The following AGAP1 variants were observed in gnomAD, a reference collection of about 807,000 sequenced individuals.
AGAP1 encodes the protein arf-GAP with GTPase, ANK repeat and PH domain-containing protein 1.
A neutral mutation model predicts 105.3 loss-of-function variants in AGAP1; 29 were observed. The observed-to-expected ratio is 0.28, with a 90% confidence interval of 0.21 to 0.38. The LOEUF (loss-of-function observed/expected upper bound fraction) is 0.38. AGAP1 is among the 10% of genes least tolerant of loss of function. The pLI, the probability that AGAP1 is intolerant of heterozygous loss-of-function variation, is 1.00. For missense variants in AGAP1, 998 were observed against 1,165.1 expected (o/e 0.86, Z 2.09); for synonymous variants, 509 against 485.9 (o/e 1.05, Z -0.63).
chr2:235,670,599 G>A (rs1383643983), intron 1 of AGAP1: 1 of 564,468 alleles, frequency 1.8e-6, no homozygotes, highest in Non-Finnish European at 3.1e-6. Context: ...CCGCAAGGCC[G>A]GACACTGGGC....
At chr2:235,969,342 G>A (rs113810028) in intron 13 of AGAP1, among the ~76,000 whole-genome samples, 1 of 152,068 alleles carries the variant, frequency 6.6e-6, no homozygotes, top group East Asian at 1.9e-4. Context: ...CCCACATTAT[G>A]AGAGGTAAAA....
rs2050077826 is a variant in AGAP1, at chr2:235,882,489, G to T, written c.1051-856G>T. ...GATTCCCCCCACGTCTGGTTTGTCT[G>T]CCATTTTCTTAAAACAATCGGTACC... On this transcript the variant is annotated intron_variant, in intron 9 of 17. Transcript: ENST00000304032. The surrounding 1 kb of genome is among the most constrained non-coding windows in gnomAD (Gnocchi z 4.6). 1.9e-5 allele frequency: 29 copies of T among 1,538,416 alleles called. No individual in the cohort carries two copies. The highest frequency in any genetic ancestry group is 2.4e-5 in the Non-Finnish European group (27 of 1,118,122).
At chr2:235,885,222 T>C (rs1575693918) in intron 10 of AGAP1, among the ~76,000 whole-genome samples, 1 of 152,228 alleles carries the variant, frequency 6.6e-6, no homozygotes, top group African/African-American at 2.4e-5. Context: ...GTGTATACAC[T>C]GCCCACAGCC....
rs1358242606 is a variant in AGAP1 at position 235,901,479 on chromosome 2, C to G, written c.1156-7259C>G. ...TTCCACAGTCCAACCCTTTGCTCCT[C>G]CCCGGTTGTGTACATAAAAGCATAC... On this transcript the variant is annotated intron_variant, in intron 10 of 17. Coordinates refer to ENST00000304032, the MANE Select transcript of AGAP1 (RefSeq NM_001037131.3). The surrounding 1 kb of genome is among the most constrained non-coding windows in gnomAD (Gnocchi z 4.3). 6.6e-6 allele frequency among the ~76,000 whole-genome samples: 1 copy of G among 152,226 alleles called. No individual in the cohort carries two copies. Among genetic ancestry groups the G allele is most frequent in the Non-Finnish European group, 1.5e-5 (1 of 68,036 alleles).
chr2:235,589,179 A>G (rs1337483543), intron 1 of AGAP1, among the ~76,000 whole-genome samples: 3 of 138,500 alleles, frequency 2.2e-5, no homozygotes, highest in Non-Finnish European at 4.6e-5. Flanking sequence ...CTACCAGTTA[A>G]TAGCTTATTG....
At chr2:235,890,037 T>C (rs1447914465) in intron 10 of AGAP1, among the ~76,000 whole-genome samples, 1 of 152,120 alleles carries the variant, frequency 6.6e-6, no homozygotes, top group Non-Finnish European at 1.5e-5. Context: ...CCCCAAAGGC[T>C]TAGGAGGTGT....
intron 6 of AGAP1, among the ~76,000 whole-genome samples, chr2:235,759,138 T>TTAGCCC (rs1157472406): frequency 2.0e-5 from 3 of 148,310 alleles, no homozygotes; most frequent in Non-Finnish European, 4.4e-5. Flanking sequence ...TCTGGTGTCG[T>TTAGCCC]TAGCCCTAGG....
chr2:235,709,802 A>T (rs1190230041), intron 2 of AGAP1, among the ~76,000 whole-genome samples: 3 of 152,220 alleles, frequency 2.0e-5, no homozygotes, highest in African/African-American at 7.2e-5. Flanking sequence ...ACGTGTAAAA[A>T]GTGGTCCATC....
chr2:235,701,329 A>G lies in AGAP1; in HGVS notation c.164-7850A>G, dbSNP rs73124464. Among the ~76,000 whole-genome samples, 11,902 of 152,128 alleles carry G rather than the reference A, an allele frequency of 0.078. 1,533 individuals carry two copies. Among genetic ancestry groups the G allele is most frequent in the African/African-American group, 0.27 (11,059 of 41,454 alleles). ...TGCTGACGTTGTTGTGACAGATTCTAAGTCGCCTCAGGGCTCAGGGGAAAG... is the reference window on the plus strand; with the variant it reads ...TGCTGACGTTGTTGTGACAGATTCTGAGTCGCCTCAGGGCTCAGGGGAAAG... On this transcript the variant is annotated intron_variant, in intron 1 of 17. Transcript: ENST00000304032. The surrounding 1 kb of genome is among the most constrained non-coding windows in gnomAD (Gnocchi z 4.1).
At chr2:235,730,709 C>T (rs370389531) in intron 3 of AGAP1, among the ~76,000 whole-genome samples, 3 of 152,010 alleles carry the variant, frequency 2.0e-5, no homozygotes, top group South Asian at 2.1e-4. Context: ...AAGAACCAAA[C>T]GTGTATTACT....
rs374252818 is a variant in AGAP1, at chr2:235,652,075, C to G, written c.164-57104C>G. On this transcript the variant is annotated intron_variant, in intron 1 of 17. Coordinates refer to ENST00000304032, the MANE Select transcript of AGAP1 (RefSeq NM_001037131.3). Reference sequence around the variant, plus strand: ...GGATATTGCAAACCCTAGACCATATCGAAGGGGGCAAACTTAATTTCATTT... The same window carrying G: ...GGATATTGCAAACCCTAGACCATATGGAAGGGGGCAAACTTAATTTCATTT... 1.2e-4 allele frequency among the ~76,000 whole-genome samples: 18 copies of G among 152,244 alleles called. No homozygotes were observed. In the East Asian group the frequency reaches 2.9e-3, roughly 25 times the overall value.
chr2:236,103,585 CT>C (rs1333608428), intron 16 of AGAP1, among the ~76,000 whole-genome samples: 1 of 149,806 alleles, frequency 6.7e-6, no homozygotes, highest in Non-Finnish European at 1.5e-5. Context: ...TTTTTTCCCC[CT>C]GAGACAGAGT....
chr2:235,849,185 T>C (rs1961861363), intron 9 of AGAP1, among the ~76,000 whole-genome samples: 1 of 152,220 alleles, frequency 6.6e-6, no homozygotes, highest in East Asian at 1.9e-4. Context: ...TGAAATTAAC[T>C]GCAGTCCTAA....
rs1303779761 is a variant in AGAP1 at position 235,994,497 on chromosome 2, G to T, written c.1645+25874G>T. 6.6e-6 allele frequency among the ~76,000 whole-genome samples: 1 copy of T among 152,138 alleles called. No homozygotes were observed. The highest frequency in any genetic ancestry group is 1.5e-5 in the Non-Finnish European group (1 of 68,030). Reference sequence around the variant, plus strand: ...GCGTTAAGGGGGTCGTTTCTTTCTGGTTTGAAAGTTGAGAAGTAGGTCATC... The same window carrying T: ...GCGTTAAGGGGGTCGTTTCTTTCTGTTTTGAAAGTTGAGAAGTAGGTCATC... On this transcript the variant is annotated intron_variant, in intron 13 of 17. Transcript: ENST00000304032. The surrounding 1 kb of genome is among the most constrained non-coding windows in gnomAD (Gnocchi z 4.4).
intron 1 of AGAP1, among the ~76,000 whole-genome samples, chr2:235,528,818 C>G (rs1284412511): frequency 2.6e-5 from 4 of 152,166 alleles, no homozygotes; most frequent in African/African-American, 9.7e-5. Context: ...GCTGGGATTA[C>G]AGTCATGTGC....
chr2:235,656,065 A>G (rs536533458), intron 1 of AGAP1, among the ~76,000 whole-genome samples: 78 of 152,328 alleles, frequency 5.1e-4, no homozygotes, highest in African/African-American at 1.8e-3. Context: ...CTGCAAGGGC[A>G]CTGGAGTTCT....
In AGAP1 at chr2:235,931,683, A is replaced by G. The variant is rs1280800155; in HGVS notation, c.1483+760A>G. On this transcript the variant is annotated intron_variant, in intron 12 of 17. Coordinates refer to ENST00000304032, the MANE Select transcript of AGAP1 (RefSeq NM_001037131.3). This position sits in a 1 kb window ranked among gnomAD's most constrained non-coding sequence, Gnocchi z 5.6. Reference sequence around the variant, plus strand: ...GAGTAATCTTAGCATAATTTGTTCTAATTAAAAGATTCAGCATCAGGTCTT... The same window carrying G: ...GAGTAATCTTAGCATAATTTGTTCTGATTAAAAGATTCAGCATCAGGTCTT... 6.6e-6 allele frequency among the ~76,000 whole-genome samples: 1 copy of G among 152,024 alleles called. No individual in the cohort carries two copies. Among genetic ancestry groups the G allele is most frequent in the African/African-American group, 2.4e-5 (1 of 41,376 alleles).
At chr2:235,880,845 T>C (rs886595110) in intron 9 of AGAP1, among the ~76,000 whole-genome samples, 4 of 152,170 alleles carry the variant, frequency 2.6e-5, no homozygotes, top group Admixed American at 2.0e-4. Flanking sequence ...GTTGAAGCAA[T>C]TGCTTGTTTA....
At chr2:236,010,797 T>G (rs1340449332) in intron 13 of AGAP1, among the ~76,000 whole-genome samples, 1 of 152,226 alleles carries the variant, frequency 6.6e-6, no homozygotes. Context: ...ACATTTTGTC[T>G]TAGAGTTTGG....
Sources: gnomAD v4.1 joint callset for allele counts (sites outside exome capture counted in the v4.1 genomes callset) on GRCh38, gnomAD v4.1.1 for gene constraint, Gnocchi (gnomAD v3.1) non-coding constraint, MANE v1.5 for transcripts, NCBI Gene and HGNC (gene_info 2026-07-23, HGNC 2026-07-21) for gene names.